ATG4C: variants seen among roughly 807,000 people sequenced by gnomAD.
The protein encoded by ATG4C is autophagy related 4C cysteine peptidase, also known as cysteine protease ATG4C.
ATG4C carries 56 observed loss-of-function variants against 57.6 expected under a neutral mutation model. The observed-to-expected ratio is 0.97, with a 90% CI of 0.78 to 1.21. ATG4C has a LOEUF of 1.21. Ranked by LOEUF, ATG4C falls within the 50% of genes most tolerant of loss-of-function variation. The pLI is 0.00. For synonymous variants in ATG4C, 157 were observed against 174.1 expected, an observed-to-expected ratio of 0.90 and a Z score of 0.78; for missense variants, 595 against 529.8, an observed-to-expected ratio of 1.12 and a Z score of -1.21.
chr1:62,786,101 C>T (rs1294615222), intron 1 of ATG4C, among the ~76,000 whole-genome samples: 2 of 152,186 alleles, frequency 1.3e-5, no homozygotes, highest in Non-Finnish European at 2.9e-5. Context: ...GTATTATTTA[C>T]ATTTAACAGA....
intron 1 of ATG4C, among the ~76,000 whole-genome samples, chr1:62,800,101 C>G (rs1664608873): frequency 6.6e-6 from 1 of 152,090 alleles, no homozygotes; most frequent in Admixed American, 6.6e-5. Context: ...ATTAAGGCAT[C>G]TTGGTTTTCA....
intron 10 of ATG4C, among the ~76,000 whole-genome samples, chr1:62,846,798 G>T (rs2100351827): frequency 6.6e-6 from 1 of 152,264 alleles, no homozygotes; most frequent in Non-Finnish European, 1.5e-5. Flanking sequence ...TGTTACTTCA[G>T]TGATCTCTTA....
intron 3 of ATG4C, among the ~76,000 whole-genome samples, chr1:62,807,984 T>C (rs1664937180): frequency 6.6e-6 from 1 of 152,212 alleles, no homozygotes; most frequent in Non-Finnish European, 1.5e-5. Context: ...GATTGAAGTA[T>C]AGGATTCCCG....
Position 62,798,108 on chromosome 1 carries a change from C to A in ATG4C, c.-68-5611C>A, listed in dbSNP as rs1664533462. ...AAGTGTGGGGATTACAGGCATGAGC[C>A]CACTGTGCCCAGCCAGAAAGGCCTT... is the stretch of plus-strand genomic sequence containing the variant. On this transcript the variant is annotated intron_variant, in intron 1 of 10. Coordinates refer to ENST00000317868, the MANE Select transcript of ATG4C (RefSeq NM_032852.4). 2.0e-5 allele frequency among the ~76,000 whole-genome samples: 3 copies of A among 152,144 alleles called. No homozygotes were observed. The South Asian group carries it at 6.2e-4, about 32-fold the overall frequency.
chr1:62,805,339 T>C (rs10789128), intron 3 of ATG4C, 84 bp downstream of exon 3: 215,474 of 1,351,728 alleles, frequency 0.16, 18,009 homozygotes, highest in South Asian at 0.2. Flanking sequence ...TAGATTAATC[T>C]ACTTTTGCAG....
In ATG4C at chr1:62,819,007, T is replaced by C; in HGVS notation, c.397T>C (p.Trp133Arg). 6.5e-7 allele frequency: 1 copy of C among 1,541,244 alleles called. No homozygotes were observed. Among genetic ancestry groups the C allele is most frequent in the Non-Finnish European group, 8.7e-7 (1 of 1,149,396 alleles). Residue 133 changes from tryptophan to arginine, a missense_variant and splice_region_variant, in exon 5 of 11, where the codon TGG becomes CGG. By Grantham distance (101) the Trp-to-Arg change is moderately radical. Coordinates refer to ENST00000317868, the MANE Select transcript of ATG4C (RefSeq NM_032852.4). ...GLILHFLGRA[W>R]TWPDALNIEN... ...ACTTTGCTTTGGAACTACTATAGCTTGGACCTGGCCTGATGCTTTGAATAT... is the reference window on the plus strand; with the variant it reads ...ACTTTGCTTTGGAACTACTATAGCTCGGACCTGGCCTGATGCTTTGAATAT...
rs148104553 is a variant in ATG4C, at chr1:62,823,569, A to G, written c.796+2360A>G. Among the ~76,000 whole-genome samples, 806 of 152,270 alleles carry G rather than the reference A, an allele frequency of 5.3e-3. 10 individuals carry two copies. Among genetic ancestry groups the G allele is most frequent in the African/African-American group, 0.019 (782 of 41,560 alleles). On this transcript the variant is annotated intron_variant, in intron 6 of 10. Transcript: ENST00000317868. Reference sequence around the variant, plus strand: ...TCCATCTGATCAAAAGAAACTGATCATGTCCCTTTATCTACAAACCAATGA... The same window carrying G: ...TCCATCTGATCAAAAGAAACTGATCGTGTCCCTTTATCTACAAACCAATGA...
At chr1:62,861,930 C>G (rs947411665) in intron 10 of ATG4C, among the ~76,000 whole-genome samples, 1 of 152,042 alleles carries the variant, frequency 6.6e-6, no homozygotes, top group African/African-American at 2.4e-5. Context: ...GACAATGTAG[C>G]CATTCTTGTA....
intron 3 of ATG4C, among the ~76,000 whole-genome samples, chr1:62,810,547 G>C (rs562238673): frequency 2.4e-4 from 36 of 152,094 alleles, no homozygotes; most frequent in African/African-American, 8.7e-4. Context: ...TCAAATTGTC[G>C]TGACATTGGC....
At chr1:62,857,225 C>T (rs533831257) in intron 10 of ATG4C, among the ~76,000 whole-genome samples, 1 of 152,308 alleles carries the variant, frequency 6.6e-6, no homozygotes, top group South Asian at 2.1e-4. Flanking sequence ...TCTGTGTTTA[C>T]AGCCATTCCC....
chr1:62,826,943 G>C (rs970068997), intron 6 of ATG4C, among the ~76,000 whole-genome samples: 2 of 152,114 alleles, frequency 1.3e-5, no homozygotes, highest in African/African-American at 4.8e-5. Flanking sequence ...CTGTGCTTTA[G>C]CCCTTGCCCC....
chr1:62,856,455 G>T (rs1212974392), intron 10 of ATG4C, among the ~76,000 whole-genome samples: 1 of 152,126 alleles, frequency 6.6e-6, no homozygotes, highest in Non-Finnish European at 1.5e-5. Context: ...TAGATGCCAG[G>T]CAATCCTCTA....
chr1:62,823,154 C>A (rs947991622), intron 6 of ATG4C, among the ~76,000 whole-genome samples: 2 of 152,136 alleles, frequency 1.3e-5, no homozygotes, highest in African/African-American at 4.8e-5. Context: ...GACTCTGTCT[C>A]AAAAAACATT....
At chr1:62,829,392 A>G (rs535277055) in intron 7 of ATG4C, among the ~76,000 whole-genome samples, 61 of 152,214 alleles carry the variant, frequency 4.0e-4, no homozygotes, top group Non-Finnish European at 7.1e-4. Context: ...AAGCCTTTTA[A>G]TCTTTGTAGC....
chr1:62,859,320 G>A (rs1241643438), intron 10 of ATG4C, among the ~76,000 whole-genome samples: 3 of 152,132 alleles, frequency 2.0e-5, no homozygotes, highest in Non-Finnish European at 4.4e-5. Flanking sequence ...TTTCAGGTAA[G>A]GAATATTCAA....
intron 10 of ATG4C, among the ~76,000 whole-genome samples, chr1:62,843,616 A>G (rs1287303702): frequency 6.6e-6 from 1 of 152,136 alleles, no homozygotes; most frequent in South Asian, 2.1e-4. Context: ...CTCATGTTTA[A>G]TTCGTAATAC....
intron 10 of ATG4C, among the ~76,000 whole-genome samples, chr1:62,863,491 T>G (rs889113504): frequency 6.6e-6 from 1 of 151,980 alleles, no homozygotes; most frequent in African/African-American, 2.4e-5. Flanking sequence ...TTACCCTGTT[T>G]TATAGATGTT....
At chr1:62,825,869 T>G (rs1390823609) in intron 6 of ATG4C, among the ~76,000 whole-genome samples, 4 of 152,184 alleles carry the variant, frequency 2.6e-5, no homozygotes, top group Non-Finnish European at 4.4e-5. Flanking sequence ...CATCTTACAT[T>G]TAATAGTGAG....
intron 2 of ATG4C, among the ~76,000 whole-genome samples, chr1:62,804,089 CTTTTTT>C (rs71692941): frequency 7.1e-6 from 1 of 140,554 alleles, no homozygotes; most frequent in African/African-American, 2.6e-5. Context: ...CTCCTTTTTT[CTTTTTT>C]TTTTTTTTTG....
Sources: allele counts gnomAD v4.1 joint callset (sites outside exome capture counted in the v4.1 genomes callset), GRCh38; gene constraint gnomAD v4.1.1; transcripts MANE v1.5; gene names NCBI Gene and HGNC (gene_info 2026-07-23, HGNC 2026-07-21).